Variants in VPS13B observed in about 807,000 individuals in gnomAD.
VPS13B encodes intermembrane lipid transfer protein VPS13B.
In VPS13B, 285 loss-of-function variants were observed where a neutral mutation model predicts 426.4. The observed-to-expected ratio is 0.67, with a 90% CI of 0.61 to 0.74. The LOEUF (loss-of-function observed/expected upper bound fraction) is 0.74. Ranked by LOEUF, VPS13B falls within the 30% of genes least tolerant of loss-of-function variation. VPS13B has a pLI of 0.00. For synonymous variants in VPS13B, 1,676 were observed against 1,676.4 expected (o/e 1.00, Z 0.01); for missense variants, 4,537 against 4,782.6 (o/e 0.95, Z 1.51).
chr8:99,235,339 T>A (rs1392267901), intron 17 of VPS13B, among the ~76,000 whole-genome samples: 2 of 152,208 alleles, frequency 1.3e-5, no homozygotes, highest in East Asian at 3.8e-4. Context: ...GAAAATTTAT[T>A]TTAAATAAAA....
At chr8:99,110,828 G>A (rs962606009) in intron 5 of VPS13B, among the ~76,000 whole-genome samples, 2 of 151,808 alleles carry the variant, frequency 1.3e-5, no homozygotes, top group African/African-American at 4.8e-5. Flanking sequence ...TAGTTAATGT[G>A]CCATGCAGAT....
intron 54 of VPS13B, among the ~76,000 whole-genome samples, chr8:99,836,165 A>ATAC (rs1333710097): frequency 6.6e-6 from 1 of 152,228 alleles, no homozygotes; most frequent in East Asian, 1.9e-4. Context: ...ATATAAGTAC[A>ATAC]GTTTTAAAAA....
At chr8:99,179,726 A>T (rs1463595327) in intron 16 of VPS13B, among the ~76,000 whole-genome samples, 2 of 152,312 alleles carry the variant, frequency 1.3e-5, no homozygotes, top group South Asian at 2.1e-4. Flanking sequence ...CATAAGAAAC[A>T]TCTCTTTTTC....
At chr8:99,693,831 A>G (rs1196648099) in intron 35 of VPS13B, among the ~76,000 whole-genome samples, 1 of 150,484 alleles carries the variant, frequency 6.6e-6, no homozygotes, top group Non-Finnish European at 1.5e-5. Context: ...TTAAGCTGAT[A>G]AGCAACTTCA....
intron 17 of VPS13B, among the ~76,000 whole-genome samples, chr8:99,230,375 A>C (rs866476330): frequency 2.6e-5 from 4 of 152,220 alleles, no homozygotes; most frequent in Admixed American, 6.5e-5. Context: ...GGACCTGCAC[A>C]GTGCTGCCTT....
rs773536381 is a variant in VPS13B at position 99,511,256 on chromosome 8, T to C, written c.4377T>C (p.Gly1459=). 1 of 1,614,128 alleles carries C rather than the reference T, an allele frequency of 6.2e-7. No individual in the cohort carries two copies. The highest frequency in any genetic ancestry group is 2.2e-5 in the East Asian group (1 of 44,860). ...FHKLSEGLMD[G]SPHFLHEILL... ...AGTTATCTGAAGGCCTAATGGATGG[T>C]TCTCCTCATTTTCTTCATGAAATTC... is the stretch of plus-strand genomic sequence containing the variant. Residue 1459 remains glycine, a synonymous_variant, in exon 29 of 62, where the codon GGT becomes GGC. Coordinates refer to ENST00000357162, the MANE Select transcript of VPS13B (RefSeq NM_152564.5).
intron 17 of VPS13B, among the ~76,000 whole-genome samples, chr8:99,211,455 C>T (rs184589569): frequency 6.6e-6 from 1 of 152,270 alleles, no homozygotes; most frequent in African/African-American, 2.4e-5. Context: ...TTAGGAAGCT[C>T]CAGGCCCCTG....
chr8:99,270,363 T>C (rs1167799610), intron 17 of VPS13B, among the ~76,000 whole-genome samples: 2 of 151,818 alleles, frequency 1.3e-5, no homozygotes, highest in Non-Finnish European at 2.9e-5. Context: ...GGTCTTAAAC[T>C]CCTGACCTCA....
intron 17 of VPS13B, among the ~76,000 whole-genome samples, chr8:99,243,145 AG>A (rs1385101138): frequency 6.6e-6 from 1 of 152,184 alleles, no homozygotes; most frequent in Non-Finnish European, 1.5e-5. Context: ...GGTTGACCTG[AG>A]GGATAAGATG....
intron 19 of VPS13B, among the ~76,000 whole-genome samples, chr8:99,312,443 A>G (rs1177865721): frequency 6.6e-6 from 1 of 152,204 alleles, no homozygotes; most frequent in Non-Finnish European, 1.5e-5. Flanking sequence ...AGTTTGGCTG[A>G]ATATGAAATT....
At chr8:99,125,304 G>T (rs1290325565) in intron 8 of VPS13B, among the ~76,000 whole-genome samples, 1 of 152,186 alleles carries the variant, frequency 6.6e-6, no homozygotes, top group Non-Finnish European at 1.5e-5. Context: ...AGGGCAGGAA[G>T]CATCCAGCAC....
intron 25 of VPS13B, among the ~76,000 whole-genome samples, chr8:99,485,484 C>T (rs530328538): frequency 1.3e-5 from 2 of 152,184 alleles, no homozygotes; most frequent in South Asian, 4.1e-4. Flanking sequence ...ATTACCTTGG[C>T]CTTTAGAGTC....
chr8:99,292,760 A>G (rs1819803510), intron 19 of VPS13B, among the ~76,000 whole-genome samples: 2 of 152,134 alleles, frequency 1.3e-5, no homozygotes, highest in East Asian at 1.9e-4. Context: ...TATACCCCAT[A>G]TATTGCAGTT....
At chr8:99,133,509 T>G (rs1306888766) in intron 8 of VPS13B, among the ~76,000 whole-genome samples, 1 of 152,220 alleles carries the variant, frequency 6.6e-6, no homozygotes, top group African/African-American at 2.4e-5. Flanking sequence ...CTGGGCCAAC[T>G]GTTTGGCTCA....
rs564471766 is a variant in VPS13B at position 99,277,322 on chromosome 8, G to A, written c.2824+2068G>A. Among the ~76,000 whole-genome samples, 5 of 151,988 alleles carry A rather than the reference G, an allele frequency of 3.3e-5. No individual in the cohort carries two copies. The South Asian group carries it at 1.0e-3, about 32-fold the overall frequency. On this transcript the variant is annotated intron_variant, in intron 19 of 61. Coordinates refer to ENST00000357162, the MANE Select transcript of VPS13B (RefSeq NM_152564.5). The stretch of plus-strand genomic sequence containing the variant: ...ACTACATTCACATAGTTTATTTATG[G>A]TATTTTTAAATTTAAATTTTTCATC...
intron 3 of VPS13B, chr8:99,094,206 G>A (rs1378622884): frequency 6.6e-6 from 1 of 152,050 alleles, no homozygotes; most frequent in Non-Finnish European, 1.5e-5. Context: ...AGTTCACTTG[G>A]AACTTTTTCA....
chr8:99,365,414 TTAGTTA>T (rs1349026231), intron 19 of VPS13B, among the ~76,000 whole-genome samples: 1 of 151,874 alleles, frequency 6.6e-6, no homozygotes, highest in African/African-American at 2.4e-5. Flanking sequence ...AGCTATAAAC[TTAGTTA>T]TAAACTCCCC....
At chr8:99,387,533 T>G (rs1814195032) in intron 20 of VPS13B, among the ~76,000 whole-genome samples, 1 of 152,164 alleles carries the variant, frequency 6.6e-6, no homozygotes, top group African/African-American at 2.4e-5. Flanking sequence ...AGTTTACATT[T>G]TGAACAGCAG....
chr8:99,776,849 G>T lies in VPS13B; in HGVS notation c.7322G>T (p.Arg2441Ile), dbSNP rs1291263681. The T allele has an allele frequency of 6.2e-7, 1 of 1,614,080 alleles. No individual in the cohort carries two copies. The highest frequency in any genetic ancestry group is 8.5e-7 in the Non-Finnish European group (1 of 1,179,964). Reference sequence around the variant, plus strand: ...CCAACAGCCCTGGCTGCCTGTACCAGAGTTGACTCCTGCTTTACCCCATGG... The same window carrying T: ...CCAACAGCCCTGGCTGCCTGTACCATAGTTGACTCCTGCTTTACCCCATGG... ...VTPTALAACT[R>I]VDSCFTPWFV... Residue 2441 changes from arginine to isoleucine, a missense_variant, in exon 41 of 62, where the codon AGA (arginine) becomes ATA (isoleucine). Arg to Ile is a moderately conservative substitution (Grantham distance 97). Transcript: ENST00000357162.
Sources: allele counts gnomAD v4.1 joint callset (sites outside exome capture counted in the v4.1 genomes callset), GRCh38; gene constraint gnomAD v4.1.1; transcripts MANE v1.5; gene names NCBI Gene and HGNC (gene_info 2026-07-23, HGNC 2026-07-21).